The following RELN variants were observed in gnomAD, a reference collection of about 807,000 sequenced individuals.
RELN encodes reelin.
Under a neutral mutation model 427.6 loss-of-function variants are expected in RELN, and 108 were observed. The ratio of observed to expected loss-of-function variants is 0.25; its 90% CI spans 0.22 to 0.30. The LOEUF (loss-of-function observed/expected upper bound fraction) is 0.30. RELN is among the 10% of genes least tolerant of loss of function. The pLI is 1.00. For missense variants in RELN, 3,715 were observed against 4,302.8 expected (o/e 0.86, Z 3.82); for synonymous variants, 1,524 against 1,513.4 (o/e 1.01, Z -0.16).
rs796143513 is a variant in RELN at position 103,920,565 on chromosome 7, TG to T, written c.227-3381del. ...TACACATGTTTGTTGTACCAGTCTTTGGTTTTTTTTTTTGTTTTTTTTTTTT... is the reference window on the plus strand; with the variant it reads ...TACACATGTTTGTTGTACCAGTCTTTGTTTTTTTTTTTGTTTTTTTTTTTT... On this transcript the variant is annotated intron_variant, in intron 1 of 64. Transcript: ENST00000428762. Among the ~76,000 whole-genome samples the T allele has an allele frequency of 6.8e-3, 868 of 127,778 alleles. 18 individuals carry two copies. Among genetic ancestry groups the T allele is most frequent in the African/African-American group, 0.029 (835 of 29,284 alleles). 83.8% of individuals were successfully genotyped at this position (127,778 alleles called of 152,430 possible). A position where few individuals can be genotyped will look rare whatever the true frequency, so the allele number is the denominator to read the frequency against.
At chr7:103,489,203 G>GGTGTGTGTGTGTGTGTGT (rs3051647) in intron 60 of RELN, among the ~76,000 whole-genome samples, 3 of 147,768 alleles carry the variant, frequency 2.0e-5, no homozygotes, top group African/African-American at 7.6e-5. Context: ...GTCATAAAGG[G>GGTGTGTGTGTGTGTGTGT]GTGTGTGTGT....
chr7:103,849,670 T>C (rs1793770799), intron 2 of RELN, among the ~76,000 whole-genome samples: 1 of 152,208 alleles, frequency 6.6e-6, no homozygotes, highest in African/African-American at 2.4e-5. Context: ...TCTCCCTGCA[T>C]AGAACTGGAG....
chr7:103,601,593 G>T (rs1831669880), intron 24 of RELN, among the ~76,000 whole-genome samples: 1 of 152,108 alleles, frequency 6.6e-6, no homozygotes, highest in Admixed American at 6.5e-5. Flanking sequence ...TATATTACCT[G>T]CTTGAAAGAA....
chr7:103,498,541 G>C (rs1271878980), intron 53 of RELN, among the ~76,000 whole-genome samples: 1 of 151,930 alleles, frequency 6.6e-6, no homozygotes, highest in African/African-American at 2.4e-5. Context: ...ACTTGGGCTG[G>C]AGTACAGTGG....
Position 103,694,563 on chromosome 7 carries a change from T to A in RELN, c.1143+3290A>T, listed in dbSNP as rs576699726. ...CTGGAATGGTGAGTGCCTAGAACAG[T>A]AAGTGTTCAATAAAAAGTAGCTTTT... On this transcript the variant is annotated intron_variant, in intron 10 of 64. Coordinates refer to ENST00000428762, the MANE Select transcript of RELN (RefSeq NM_005045.4). Among the ~76,000 whole-genome samples the A allele has an allele frequency of 1.5e-4, 23 of 152,040 alleles. 1 individual carries two copies. The highest frequency in any genetic ancestry group is 2.9e-4 in the Non-Finnish European group (20 of 67,968).
At chr7:103,570,039 G>T (rs1562897395) in intron 31 of RELN, among the ~76,000 whole-genome samples, 1 of 152,208 alleles carries the variant, frequency 6.6e-6, no homozygotes, top group Non-Finnish European at 1.5e-5. Context: ...GATTTAAGCA[G>T]ATTTACATTT....
chr7:103,853,511 A>T (rs62482264), intron 2 of RELN, among the ~76,000 whole-genome samples: 21,976 of 151,880 alleles, frequency 0.14, 1,875 homozygotes, highest in East Asian at 0.34. Flanking sequence ...TGTAATCAAA[A>T]ATTGCTTCTT....
chr7:103,686,781 G>T (rs947708502), intron 10 of RELN, among the ~76,000 whole-genome samples: 2 of 152,052 alleles, frequency 1.3e-5, no homozygotes, highest in African/African-American at 4.8e-5. Flanking sequence ...CAGTTCAACA[G>T]ACTTTAAAGG....
intron 1 of RELN, among the ~76,000 whole-genome samples, chr7:103,937,751 A>C (rs1410608251): frequency 1.3e-5 from 2 of 152,234 alleles, no homozygotes; most frequent in Admixed American, 6.5e-5. Context: ...GAATTCTGAC[A>C]TAGAGATTAA....
At chr7:103,854,888 G>A (rs939844892) in intron 2 of RELN, among the ~76,000 whole-genome samples, 2 of 152,160 alleles carry the variant, frequency 1.3e-5, no homozygotes, top group African/African-American at 2.4e-5. Context: ...TGAAAGATTA[G>A]TGCACAAACA....
rs35127886 is a variant in RELN, at chr7:103,519,586, AT to A, written c.7669-71del. 100,364 of 927,852 alleles carry A rather than the reference AT, an allele frequency of 0.11. 2 individuals are homozygous for A. Among genetic ancestry groups the A allele is most frequent in the Non-Finnish European group, 0.12 (77,475 of 633,040 alleles). 57.5% of individuals were successfully genotyped at this position (927,852 alleles called of 1,614,324 possible). On this transcript the variant is annotated intron_variant, in intron 48 of 64. Transcript: ENST00000428762. ...ATTGCAGATTATAGATTTTCTATGG[AT>A]TTTTTTTTTTTTTGAGACAGGGTCT...
intron 2 of RELN, among the ~76,000 whole-genome samples, chr7:103,890,723 G>A (rs6948463): frequency 0.52 from 78,181 of 151,722 alleles, 21,043 homozygotes; most frequent in East Asian, 0.77. Context: ...ACCAGGCCAT[G>A]GTAGGACCCC....
intron 1 of RELN, among the ~76,000 whole-genome samples, chr7:103,937,361 T>C (rs1212216441): frequency 1.3e-5 from 2 of 152,226 alleles, no homozygotes; most frequent in African/African-American, 4.8e-5. Context: ...AGCACAGTGT[T>C]TGAATAAACT....
chr7:103,686,823 TTAAAA>T (rs1355158461), intron 10 of RELN, among the ~76,000 whole-genome samples: 1 of 152,164 alleles, frequency 6.6e-6, no homozygotes, highest in East Asian at 1.9e-4. Flanking sequence ...AAAAGAAAAC[TTAAAA>T]TAGAAAGAGA....
Position 103,738,144 on chromosome 7 carries a change from G to C in RELN, c.657-9937C>G, listed in dbSNP as rs1218525233. ...CCAGTTATCATTGTGTTTTTTAATAGTTCTACATTTCCCACTAGAACATCA... is the reference window on the plus strand; with the variant it reads ...CCAGTTATCATTGTGTTTTTTAATACTTCTACATTTCCCACTAGAACATCA... On this transcript the variant is annotated intron_variant, in intron 6 of 64. Coordinates refer to ENST00000428762, the MANE Select transcript of RELN (RefSeq NM_005045.4). 2.0e-5 allele frequency among the ~76,000 whole-genome samples: 3 copies of C among 149,744 alleles called. No homozygotes were observed. In the East Asian group the frequency reaches 5.8e-4, roughly 29 times the overall value.
intron 3 of RELN, among the ~76,000 whole-genome samples, chr7:103,820,682 A>G (rs1029566805): frequency 3.7e-4 from 56 of 152,284 alleles, no homozygotes; most frequent in African/African-American, 1.3e-3. Flanking sequence ...ATGGAAATGC[A>G]CAAGACATCC....
At chr7:103,605,906 A>T (rs1831807542) in intron 22 of RELN, among the ~76,000 whole-genome samples, 1 of 152,198 alleles carries the variant, frequency 6.6e-6, no homozygotes, top group Non-Finnish European at 1.5e-5. Flanking sequence ...TCCAGTAGAC[A>T]CAGGGTTGCT....
At chr7:103,586,360 C>T (rs556850825) in intron 28 of RELN, among the ~76,000 whole-genome samples, 17 of 151,852 alleles carry the variant, frequency 1.1e-4, no homozygotes, top group Non-Finnish European at 2.5e-4. Flanking sequence ...GAGACTCCAT[C>T]TCAAAAAAAT....
chr7:103,872,072 T>A (rs200497413), intron 2 of RELN, among the ~76,000 whole-genome samples: 18,308 of 146,608 alleles, frequency 0.12, 1,533 homozygotes, highest in East Asian at 0.32. Flanking sequence ...TTATTTATTT[T>A]TTTATTATAC....
Sources: gnomAD v4.1 joint callset for allele counts (sites outside exome capture counted in the v4.1 genomes callset) on GRCh38, gnomAD v4.1.1 for gene constraint, MANE v1.5 for transcripts, NCBI Gene and HGNC (gene_info 2026-07-23, HGNC 2026-07-21) for gene names.